Variants in ANKRD17 observed in about 807,000 individuals in gnomAD.
ANKRD17 encodes the protein ankyrin repeat domain 17, also known as ankyrin repeat domain-containing protein 17.
Under a neutral mutation model 229.7 loss-of-function variants are expected in ANKRD17, and 19 were observed. That is an observed-to-expected ratio of 0.08 (90% CI 0.06 to 0.12). The LOEUF is 0.12. Ranked by LOEUF, ANKRD17 falls within the 10% of genes least tolerant of loss-of-function variation. ANKRD17 has a pLI of 1.00. For missense variants in ANKRD17, 2,176 were observed against 3,176.8 expected (o/e 0.68, Z 7.57); for synonymous variants, 1,112 against 1,146.1 (o/e 0.97, Z 0.60).
intron 1 of ANKRD17, among the ~76,000 whole-genome samples, chr4:73,222,115 T>C (rs1289559367): frequency 4.6e-5 from 7 of 152,116 alleles, no homozygotes; most frequent in African/African-American, 1.4e-4. Context: ...CCTCTTTATC[T>C]GAATTACCCA....
chr4:73,114,931 G>T (rs1005391113), intron 23 of ANKRD17, among the ~76,000 whole-genome samples: 6 of 152,150 alleles, frequency 3.9e-5, no homozygotes, highest in Admixed American at 6.5e-5. Flanking sequence ...CAAAATGTAT[G>T]TCTCCAGGAG....
intron 30 of ANKRD17, among the ~76,000 whole-genome samples, chr4:73,079,669 A>C (rs1413054515): frequency 6.6e-6 from 1 of 152,224 alleles, no homozygotes; most frequent in Non-Finnish European, 1.5e-5. Flanking sequence ...TTATCTTGTG[A>C]GTACTTCACA....
At chr4:73,218,473 T>A (rs1487743022) in intron 1 of ANKRD17, among the ~76,000 whole-genome samples, 2 of 151,560 alleles carry the variant, frequency 1.3e-5, no homozygotes, top group Non-Finnish European at 2.9e-5. Flanking sequence ...AGAAACCCCA[T>A]CTCTACTAAA....
chr4:73,078,597 A>C (rs1427640408), intron 31 of ANKRD17, 45 bp downstream of exon 31: 7 of 1,576,022 alleles, frequency 4.4e-6, no homozygotes, highest in Non-Finnish European at 6.0e-6. Context: ...CATTATAGTT[A>C]AATGCATTAA....
rs1299113303 is a variant in ANKRD17, at chr4:73,115,928, A to AT, written c.4189-13dup. On this transcript the variant is annotated splice_polypyrimidine_tract_variant and intron_variant, in intron 22 of 33. Coordinates refer to ENST00000358602, the MANE Select transcript of ANKRD17 (RefSeq NM_032217.5). ...ACCTTCACATGACCCTAAAAAATAG[A>AT]TATCAATGTCAGATTGAAAACAGAC... The AT allele has an allele frequency of 3.1e-6, 5 of 1,609,292 alleles. No individual in the cohort carries two copies. In the African/African-American group the frequency reaches 6.7e-5, roughly 22 times the overall value.
intron 11 of ANKRD17, 28 bp downstream of exon 11, chr4:73,144,717 A>G: frequency 6.7e-7 from 1 of 1,496,276 alleles, no homozygotes. Context: ...ACCTTTCAAA[A>G]AAAGACAACT....
intron 1 of ANKRD17, among the ~76,000 whole-genome samples, chr4:73,230,828 T>C (rs1233326181): frequency 6.6e-6 from 1 of 152,184 alleles, no homozygotes; most frequent in Admixed American, 6.5e-5. Flanking sequence ...TGTTGGACAC[T>C]CGCATTTGTT....
intron 1 of ANKRD17, among the ~76,000 whole-genome samples, chr4:73,223,714 T>C (rs963529050): frequency 3.9e-5 from 6 of 152,186 alleles, no homozygotes; most frequent in African/African-American, 1.4e-4. Context: ...TTTAACTTCA[T>C]TTACTAACCA....
chr4:73,199,221 CTGTGTGTGTGTGTGTG>C (rs10577503), intron 1 of ANKRD17, among the ~76,000 whole-genome samples: 3 of 140,394 alleles, frequency 2.1e-5, no homozygotes, highest in Non-Finnish European at 3.1e-5. Context: ...TACAGTTTGG[CTGTGTGTGTGTGTGTG>C]TGTGTGTGTG....
At chr4:73,225,712 A>G (rs189456034) in intron 1 of ANKRD17, among the ~76,000 whole-genome samples, 104 of 151,524 alleles carry the variant, frequency 6.9e-4, no homozygotes, top group African/African-American at 2.2e-3. Context: ...TACAAAAACA[A>G]TAAGTTGGCT....
At chr4:73,107,778 C>A (rs1032566211) in intron 24 of ANKRD17, among the ~76,000 whole-genome samples, 1 of 152,128 alleles carries the variant, frequency 6.6e-6, no homozygotes. Context: ...GGCTTGATCA[C>A]CTAAGGCCTT....
chr4:73,131,712 C>A (rs537490547), intron 16 of ANKRD17, among the ~76,000 whole-genome samples: 1 of 152,132 alleles, frequency 6.6e-6, no homozygotes, highest in Non-Finnish European at 1.5e-5. Context: ...AGCTGTTGGG[C>A]AAGGTAGTTA....
In ANKRD17 at chr4:73,170,450, G is replaced by A. The variant is rs906082672; in HGVS notation, c.547+6930C>T. Among the ~76,000 whole-genome samples, 3 of 150,302 alleles carry A rather than the reference G, an allele frequency of 2.0e-5. No individual in the cohort carries two copies. In the South Asian group the frequency reaches 6.4e-4, roughly 32 times the overall value. On this transcript the variant is annotated intron_variant, in intron 2 of 33. Transcript: ENST00000358602. ...ACCCAAGTAGTATGCCACCTGCCTT[G>A]GTTGAGATTCTGAGATGTGCTGGCT...
intron 31 of ANKRD17, among the ~76,000 whole-genome samples, chr4:73,077,841 T>C (rs1332263288): frequency 6.6e-6 from 1 of 152,228 alleles, no homozygotes; most frequent in Non-Finnish European, 1.5e-5. Context: ...GCATTAGATA[T>C]TTTCTGAAAG....
At chr4:73,161,415 C>T in intron 2 of ANKRD17, 67 bp from the exon 3 acceptor site, 3 of 1,528,980 alleles carry the variant, frequency 2.0e-6, no homozygotes, top group Non-Finnish European at 1.8e-6. Flanking sequence ...ATTCAAGTTA[C>T]TTAAAGCTAT....
intron 1 of ANKRD17, among the ~76,000 whole-genome samples, chr4:73,204,958 C>T (rs1739255791): frequency 6.6e-6 from 1 of 151,906 alleles, no homozygotes. Context: ...AAAAGAATGG[C>T]CAAACCAATC....
At chr4:73,250,362 G>C (rs1744878904) in intron 1 of ANKRD17, among the ~76,000 whole-genome samples, 1 of 151,702 alleles carries the variant, frequency 6.6e-6, no homozygotes, top group South Asian at 2.1e-4. Context: ...AGCACTTTGG[G>C]GGCCAAGGCG....
Position 73,141,793 on chromosome 4 carries a change from C to G in ANKRD17, c.2280G>C (p.Glu760Asp). ...QALPMVVPPQEPDKPPANVAT... is the reference protein window; with the variant it reads ...QALPMVVPPQDPDKPPANVAT... ...CAACATTGGCAGGTGGTTTGTCAGG[C>G]TCCTGAGGTGGAACAACCATGGGCA... The change falls in exon 14 of 34, where the codon GAG becomes GAC. Residue 760 changes from glutamate (E) to aspartate (D), a missense_variant. Glu to Asp is a conservative substitution (Grantham distance 45). Transcript: ENST00000358602. 6.2e-7 allele frequency: 1 copy of G among 1,613,928 alleles called. No homozygotes were observed. The highest frequency in any genetic ancestry group is 1.1e-5 in the South Asian group (1 of 91,080).
chr4:73,237,495 A>G (rs1407949382), intron 1 of ANKRD17, among the ~76,000 whole-genome samples: 1 of 152,184 alleles, frequency 6.6e-6, no homozygotes, highest in Non-Finnish European at 1.5e-5. Flanking sequence ...AGAAAGCTGG[A>G]CTGAGTGGTA....
Sources: allele counts gnomAD v4.1 joint callset (sites outside exome capture counted in the v4.1 genomes callset), GRCh38; gene constraint gnomAD v4.1.1; transcripts MANE v1.5; gene names NCBI Gene and HGNC (gene_info 2026-07-23, HGNC 2026-07-21).